Variants in KMT2C observed in about 807,000 individuals in gnomAD.
KMT2C encodes the protein histone-lysine N-methyltransferase 2C.
KMT2C carries 88 observed loss-of-function variants against 507.9 expected under a neutral mutation model. The ratio of observed to expected loss-of-function variants is 0.17; its 90% CI spans 0.15 to 0.21. The LOEUF (loss-of-function observed/expected upper bound fraction) is 0.21, where lower values mean the gene tolerates loss of function less well. Among genes scored for constraint, KMT2C ranks in the 10% least tolerant of loss-of-function variants. The probability of loss-of-function intolerance (pLI) is 1.00; values close to 1 mark genes in which losing one functional copy is unlikely to be tolerated. For missense variants in KMT2C, 4,954 were observed against 5,957.8 expected (o/e 0.83, Z 5.55); for synonymous variants, 2,049 against 2,080.8 (o/e 0.98, Z 0.42).
In KMT2C at chr7:152,176,369, G is replaced by C. The variant is rs1563252111; in HGVS notation, c.9084C>G (p.Pro3028=). 6.2e-7 allele frequency: 1 copy of C among 1,614,080 alleles called. No homozygotes were observed. The highest frequency in any genetic ancestry group is 8.5e-7 in the Non-Finnish European group (1 of 1,180,006). The change falls in exon 38 of 59, where the codon CCC becomes CCG. Residue 3028 remains proline, a synonymous_variant. Coordinates refer to ENST00000262189, the MANE Select transcript of KMT2C (RefSeq NM_170606.3). ...ATGTTTGAGGAATCATTAGCTGTTG[G>C]GGTCCAGACATGCTACTGGTACCAG... ...SQSGTSSMSG[P]QQLMIPQTLA...
intron 6 of KMT2C, among the ~76,000 whole-genome samples, chr7:152,288,229 TAAAA>T (rs36047379): frequency 8.3e-6 from 1 of 121,142 alleles, no homozygotes; most frequent in Non-Finnish European, 1.8e-5. Flanking sequence ...TGAACTGATT[TAAAA>T]AAAAAAAAAA....
chr7:152,244,628 TTGTATGAAA>T (rs1398248197), intron 14 of KMT2C, among the ~76,000 whole-genome samples: 2 of 152,196 alleles, frequency 1.3e-5, no homozygotes, highest in Non-Finnish European at 2.9e-5. Context: ...TTAGGACAAT[TTGTATGAAA>T]CAATATCCAA....
intron 7 of KMT2C, among the ~76,000 whole-genome samples, chr7:152,266,042 A>C (rs2095853427): frequency 6.6e-6 from 1 of 152,232 alleles, no homozygotes; most frequent in African/African-American, 2.4e-5. Context: ...TACCAATCTT[A>C]GATAATGTAT....
At chr7:152,227,968 A>G (rs1157834014) in intron 18 of KMT2C, among the ~76,000 whole-genome samples, 2 of 152,246 alleles carry the variant, frequency 1.3e-5, no homozygotes, top group Non-Finnish European at 1.5e-5. Flanking sequence ...AATTAATGCT[A>G]GGACCGCAGC....
intron 6 of KMT2C, among the ~76,000 whole-genome samples, chr7:152,309,039 G>A (rs1046405133): frequency 1.2e-4 from 18 of 152,062 alleles, no homozygotes; most frequent in Middle Eastern, 3.4e-3. Flanking sequence ...ACTGCTGACC[G>A]AACTAAAAAA....
chr7:152,326,912 A>T (rs1032195236), intron 3 of KMT2C, among the ~76,000 whole-genome samples: 1 of 152,172 alleles, frequency 6.6e-6, no homozygotes, highest in African/African-American at 2.4e-5. Context: ...AATTCATTAA[A>T]TTCAATCTGT....
chr7:152,332,266 A>T (rs1380742196), intron 2 of KMT2C, among the ~76,000 whole-genome samples: 1 of 151,710 alleles, frequency 6.6e-6, no homozygotes, highest in Non-Finnish European at 1.5e-5. Context: ...TTATATGTCC[A>T]CTCTGTCTGT....
rs1247115550 is a variant in KMT2C at position 152,215,731 on chromosome 7, C to T, written c.3712+4792G>A. Among the ~76,000 whole-genome samples, 149 of 145,778 alleles carry T rather than the reference C, an allele frequency of 1.0e-3. 1 individual carries two copies. The highest frequency in any genetic ancestry group is 3.9e-3 in the African/African-American group (141 of 36,438). ...CACAAAATATATATATATACACACA[C>T]ACACACACACACACACATTTCCTTA... On this transcript the variant is annotated intron_variant, in intron 23 of 58. Transcript: ENST00000262189.
At chr7:152,233,579 C>CA (rs1350809000) in intron 16 of KMT2C, among the ~76,000 whole-genome samples, 2 of 151,982 alleles carry the variant, frequency 1.3e-5, no homozygotes, top group Non-Finnish European at 2.9e-5. Flanking sequence ...AAGGCTGACT[C>CA]AAGAAGGTCA....
At chr7:152,394,144 TGCTAA>T (rs2097522549) in intron 1 of KMT2C, among the ~76,000 whole-genome samples, 1 of 152,136 alleles carries the variant, frequency 6.6e-6, no homozygotes, top group African/African-American at 2.4e-5. Context: ...TCTGTTACCC[TGCTAA>T]TATTATCTAA....
At chr7:152,187,227 G>T in intron 33 of KMT2C, 35 bp downstream of exon 33, 4 of 1,508,148 alleles carry the variant, frequency 2.7e-6, no homozygotes, top group Non-Finnish European at 3.7e-6. Context: ...ATGTGAAAAT[G>T]TTGGTAAAAC....
chr7:152,239,359 TG>T (rs2095342040), intron 14 of KMT2C, among the ~76,000 whole-genome samples: 1 of 152,184 alleles, frequency 6.6e-6, no homozygotes, highest in Admixed American at 6.5e-5. Flanking sequence ...TGTAGAGAGC[TG>T]GTAACATTAA....
At chr7:152,399,655 A>ACC (rs2097559606) in intron 1 of KMT2C, among the ~76,000 whole-genome samples, 1 of 152,168 alleles carries the variant, frequency 6.6e-6, no homozygotes, top group Non-Finnish European at 1.5e-5. Context: ...ATATTTGGTT[A>ACC]AAAGCCTACA....
At chr7:152,267,323 C>A (rs1183096093) in intron 7 of KMT2C, among the ~76,000 whole-genome samples, 2 of 152,070 alleles carry the variant, frequency 1.3e-5, no homozygotes, top group Non-Finnish European at 2.9e-5. Flanking sequence ...TAAAAACACT[C>A]AATCTCAACT....
At chr7:152,336,991 C>G (rs996609045) in intron 2 of KMT2C, among the ~76,000 whole-genome samples, 5 of 152,084 alleles carry the variant, frequency 3.3e-5, no homozygotes, top group African/African-American at 9.7e-5. Flanking sequence ...GTAAACTATA[C>G]TAAGGAACCT....
intron 14 of KMT2C, among the ~76,000 whole-genome samples, chr7:152,241,584 T>C (rs1421933802): frequency 6.6e-6 from 1 of 152,196 alleles, no homozygotes; most frequent in Non-Finnish European, 1.5e-5. Context: ...TCATCTCTCT[T>C]ACCACACCAT....
intron 9 of KMT2C, 144 bp from the exon 10 acceptor site, chr7:152,252,859 C>T (rs1456146078): frequency 5.9e-6 from 3 of 508,628 alleles, no homozygotes; most frequent in Admixed American, 3.6e-5. Flanking sequence ...AGGGTACATG[C>T]TTTTTTTTTT....
chr7:152,348,330 C>T (rs1360813728), intron 2 of KMT2C, among the ~76,000 whole-genome samples: 1 of 152,022 alleles, frequency 6.6e-6, no homozygotes, highest in Non-Finnish European at 1.5e-5. Flanking sequence ...GGCATGGTGG[C>T]TCACATCTGT....
chr7:152,235,225 C>A (rs533079099), intron 16 of KMT2C, among the ~76,000 whole-genome samples: 17 of 130,266 alleles, frequency 1.3e-4, no homozygotes, highest in Admixed American at 3.0e-4. Flanking sequence ...ATATATATAT[C>A]AAAGCTTATG....
Sources: gnomAD v4.1 joint callset for allele counts (sites outside exome capture counted in the v4.1 genomes callset) on GRCh38, gnomAD v4.1.1 for gene constraint, MANE v1.5 for transcripts, NCBI Gene and HGNC (gene_info 2026-07-23, HGNC 2026-07-21) for gene names.